Variants in ASCC1 observed in about 807,000 individuals in gnomAD.
The protein encoded by ASCC1 is activating signal cointegrator 1 complex subunit 1, also known as ASC-1 complex subunit P50.
In ASCC1, 35 loss-of-function variants were observed where a neutral mutation model predicts 46.6. The ratio of observed to expected loss-of-function variants is 0.75; its 90% CI spans 0.57 to 0.99. ASCC1 has a LOEUF of 0.99. Among genes scored for constraint, ASCC1 ranks in the 50% least tolerant of loss-of-function variants. The pLI is 0.00. For synonymous variants in ASCC1, 143 were observed against 146.6 expected (o/e 0.98, Z 0.18); for missense variants, 376 against 428.7 (o/e 0.88, Z 1.09).
At chr10:72,167,458 G>A (rs949908466) in intron 5 of ASCC1, among the ~76,000 whole-genome samples, 7 of 152,072 alleles carry the variant, frequency 4.6e-5, no homozygotes, top group African/African-American at 7.2e-5. Flanking sequence ...GGAGTGGGGC[G>A]GCAAACAGGC....
chr10:72,150,244 C>T (rs1848167600), intron 7 of ASCC1, among the ~76,000 whole-genome samples: 1 of 151,854 alleles, frequency 6.6e-6, no homozygotes, highest in Non-Finnish European at 1.5e-5. Context: ...CTATGCCATT[C>T]TATACCATTT....
intron 9 of ASCC1, among the ~76,000 whole-genome samples, chr10:72,109,759 C>T (rs1047831074): frequency 6.6e-6 from 1 of 152,188 alleles, no homozygotes; most frequent in African/African-American, 2.4e-5. Context: ...TTTCCCCTCT[C>T]TGCAGTCTTT....
intron 5 of ASCC1, among the ~76,000 whole-genome samples, chr10:72,188,535 G>C (rs183359103): frequency 6.6e-6 from 1 of 152,010 alleles, no homozygotes; most frequent in Non-Finnish European, 1.5e-5. Context: ...AAAGGAGAAA[G>C]GGAAAGGGAA....
At chr10:72,143,015 G>C (rs1389674033) in intron 7 of ASCC1, among the ~76,000 whole-genome samples, 1 of 151,816 alleles carries the variant, frequency 6.6e-6, no homozygotes, top group African/African-American at 2.4e-5. Flanking sequence ...CGAAAAATTA[G>C]CCGGACATGG....
intron 9 of ASCC1, among the ~76,000 whole-genome samples, chr10:72,108,885 C>T (rs888484417): frequency 4.6e-5 from 7 of 152,160 alleles, no homozygotes; most frequent in Non-Finnish European, 1.0e-4. Context: ...ACTCTGACAG[C>T]TTACAGGCTC....
At position 72,096,595 on chromosome 10, in the gene ASCC1, C is replaced by A. The variant is rs1364965285; in HGVS notation, c.*739G>T. ...GTGGTAAAGGAATTAAAGGCAGAGT[C>A]TCAAAGAGATATTTGCACCCCCGTG... On this transcript the variant is annotated 3_prime_UTR_variant, in exon 10 of 10. Coordinates refer to ENST00000672957, the MANE Select transcript of ASCC1 (RefSeq NM_001198800.3). 2.2e-6 allele frequency: 1 copy of A among 453,652 alleles called. No individual in the cohort carries two copies. 28.1% of individuals were successfully genotyped at this position (453,652 alleles called of 1,614,324 possible). A position where few individuals can be genotyped will look rare whatever the true frequency, so the allele number is the denominator to read the frequency against.
chr10:72,196,623 T>C (rs545338483), intron 5 of ASCC1, among the ~76,000 whole-genome samples, 188 bp downstream of exon 5: 2 of 152,216 alleles, frequency 1.3e-5, no homozygotes, highest in African/African-American at 2.4e-5. Context: ...CTGTAATATA[T>C]AGAAACTTAT....
intron 5 of ASCC1, among the ~76,000 whole-genome samples, chr10:72,195,136 TG>T (rs1855174854): frequency 7.9e-6 from 1 of 125,814 alleles, no homozygotes; most frequent in Non-Finnish European, 1.7e-5. Flanking sequence ...TGTTTTTTGC[TG>T]TGTTTTTTTT....
chr10:72,133,947 AC>A (rs1378352987), intron 7 of ASCC1: 1 of 152,342 alleles, frequency 6.6e-6, no homozygotes, highest in East Asian at 1.9e-4. Context: ...CAGAGAAGTT[AC>A]AAAACTTGAC....
At chr10:72,100,681 CTG>C (rs1841649081) in intron 9 of ASCC1, among the ~76,000 whole-genome samples, 1 of 152,136 alleles carries the variant, frequency 6.6e-6, no homozygotes, top group African/African-American at 2.4e-5. Context: ...GCATGAGACA[CTG>C]TGTCCCGCCA....
At chr10:72,174,224 T>G (rs943276750) in intron 5 of ASCC1, among the ~76,000 whole-genome samples, 8 of 152,152 alleles carry the variant, frequency 5.3e-5, no homozygotes, top group African/African-American at 1.9e-4. Flanking sequence ...CAGCTCATGA[T>G]TTACCACTAG....
chr10:72,216,193 C>A lies in ASCC1; in HGVS notation c.-34+14G>T, dbSNP rs1859266109. 1 of 153,380 alleles carries A rather than the reference C, an allele frequency of 6.5e-6. No individual in the cohort carries two copies. Among genetic ancestry groups the A allele is most frequent in the Non-Finnish European group, 1.5e-5 (1 of 68,860 alleles). 9.5% of individuals were successfully genotyped at this position (153,380 alleles called of 1,614,324 possible). On this transcript the variant is annotated intron_variant, in intron 1 of 9. Coordinates refer to ENST00000672957, the MANE Select transcript of ASCC1 (RefSeq NM_001198800.3). ...GGAGCTTGGTGAAAAGGGAGTTAAC[C>A]CCCAGGATCCTACCTGCAGGGACTA...
intron 9 of ASCC1, among the ~76,000 whole-genome samples, chr10:72,118,030 T>C (rs997925200): frequency 2.0e-5 from 3 of 152,188 alleles, no homozygotes; most frequent in African/African-American, 7.2e-5. Context: ...TCTGAGAAAT[T>C]TGAGTTTTGA....
intron 9 of ASCC1, among the ~76,000 whole-genome samples, chr10:72,100,889 G>A (rs1288790237): frequency 6.6e-6 from 1 of 152,132 alleles, no homozygotes; most frequent in Non-Finnish European, 1.5e-5. Flanking sequence ...ACATCCCCAA[G>A]TCTGGAAAGA....
rs183518822 is a variant in ASCC1, at chr10:72,200,812, C to T, written c.310+2615G>A. ...AATATTTACTTTAATAAAAGTCCTTCCAAATGCTGTTAAAAGTTCTAATGC... is the reference window on the plus strand; with the variant it reads ...AATATTTACTTTAATAAAAGTCCTTTCAAATGCTGTTAAAAGTTCTAATGC... On this transcript the variant is annotated intron_variant, in intron 4 of 9. Transcript: ENST00000672957. 3.7e-3 allele frequency among the ~76,000 whole-genome samples: 569 copies of T among 152,168 alleles called. 1 individual carries two copies. Among genetic ancestry groups the T allele is most frequent in the Non-Finnish European group, 4.6e-3 (310 of 68,002 alleles).
chr10:72,183,278 G>A (rs1457717063), intron 5 of ASCC1, among the ~76,000 whole-genome samples: 2 of 152,144 alleles, frequency 1.3e-5, no homozygotes, highest in Non-Finnish European at 2.9e-5. Flanking sequence ...CCCGACCTCA[G>A]GTGATCCACC....
chr10:72,189,879 T>C, intron 5 of ASCC1: 3 of 611,548 alleles, frequency 4.9e-6, no homozygotes, highest in East Asian at 2.9e-5. Context: ...TATTTCTGTC[T>C]TCACTATAAG....
chr10:72,123,612 A>G (rs528706790), intron 9 of ASCC1, among the ~76,000 whole-genome samples: 1 of 152,202 alleles, frequency 6.6e-6, no homozygotes, highest in South Asian at 2.1e-4. Context: ...AGTTTATTAA[A>G]TTTTTTAAAA....
chr10:72,203,532 A>C lies in ASCC1; in HGVS notation c.213-8T>G, dbSNP rs1856793994. ...CTCTTTCCAACTATATGCCTGTAACATAAAGTAATTAAAAGAAGATTAAGT... is the reference window on the plus strand; with the variant it reads ...CTCTTTCCAACTATATGCCTGTAACCTAAAGTAATTAAAAGAAGATTAAGT... On this transcript the variant is annotated splice_region_variant and splice_polypyrimidine_tract_variant and intron_variant, in intron 3 of 9. Transcript: ENST00000672957. 5.1e-6 allele frequency: 8 copies of C among 1,570,428 alleles called. No individual in the cohort carries two copies. Among genetic ancestry groups the C allele is most frequent in the Non-Finnish European group, 7.0e-6 (8 of 1,141,514 alleles).
Sources: allele counts gnomAD v4.1 joint callset (sites outside exome capture counted in the v4.1 genomes callset), GRCh38; gene constraint gnomAD v4.1.1; transcripts MANE v1.5; gene names NCBI Gene and HGNC (gene_info 2026-07-23, HGNC 2026-07-21).